GALNT13: variants seen among roughly 807,000 people sequenced by gnomAD.
The protein encoded by GALNT13 is polypeptide N-acetylgalactosaminyltransferase 13.
GALNT13 carries 28 observed loss-of-function variants against 64.2 expected under a neutral mutation model. The observed-to-expected ratio is 0.44, with a 90% CI of 0.32 to 0.60. The LOEUF (loss-of-function observed/expected upper bound fraction) is 0.60, where lower values mean the gene tolerates loss of function less well. Among genes scored for constraint, GALNT13 ranks in the 20% least tolerant of loss-of-function variants. The probability of loss-of-function intolerance (pLI) is 0.05; values close to 1 mark genes in which losing one functional copy is unlikely to be tolerated. For synonymous variants in GALNT13, 214 were observed against 224.6 expected, an observed-to-expected ratio of 0.95 and a Z score of 0.42; for missense variants, 577 against 669.8, an observed-to-expected ratio of 0.86 and a Z score of 1.53.
At chr2:153,874,183 A>C (rs1260096103) in intron 1 of GALNT13, among the ~76,000 whole-genome samples, 5 of 144,490 alleles carry the variant, frequency 3.5e-5, no homozygotes, top group African/African-American at 7.8e-5. Context: ...TTGATTTGGG[A>C]ATTGGATAGG....
chr2:153,909,928 A>G (rs964056216), intron 2 of GALNT13, among the ~76,000 whole-genome samples: 1 of 152,094 alleles, frequency 6.6e-6, no homozygotes, highest in African/African-American at 2.4e-5. Flanking sequence ...TGGTATCAGG[A>G]TGATGCTGGC....
the GALNT13 span, among the ~76,000 whole-genome samples, chr2:153,068,640 T>C: frequency 6.6e-6 from 1 of 152,152 alleles, no homozygotes; most frequent in Non-Finnish European, 1.5e-5. Flanking sequence ...TTATATATAT[T>C]TTTTATGGTA....
At chr2:153,983,092 A>T (rs1296348725) in intron 3 of GALNT13, among the ~76,000 whole-genome samples, 1 of 151,950 alleles carries the variant, frequency 6.6e-6, no homozygotes, top group Non-Finnish European at 1.5e-5. Flanking sequence ...AAATAAGTCT[A>T]TTCTGTTTAT....
At chr2:153,780,468 C>T in the GALNT13 span, among the ~76,000 whole-genome samples, 1 of 151,796 alleles carries the variant, frequency 6.6e-6, no homozygotes, top group East Asian at 1.9e-4. Flanking sequence ...CAACTTCAAA[C>T]CCTTGGTTCT....
In GALNT13 at chr2:154,450,679, T is replaced by C. The variant is rs189802966; in HGVS notation, c.*128T>C. ...CTTTTAGTATTCTAAAACACAATTG[T>C]TTCTAATTCGTTTCTAGAAATGTTT... On this transcript the variant is annotated 3_prime_UTR_variant, in exon 13 of 13. Transcript: ENST00000392825. 118 of 833,846 alleles carry C rather than the reference T, an allele frequency of 1.4e-4. No homozygotes were observed. In the African/African-American group the frequency reaches 1.7e-3, roughly 12 times the overall value. The allele number at this position is 833,846 out of a possible 1,614,324, so 51.7% of individuals were successfully genotyped here.
At chr2:153,692,374 A>G in the GALNT13 span, among the ~76,000 whole-genome samples, 1 of 152,168 alleles carries the variant, frequency 6.6e-6, no homozygotes, top group East Asian at 1.9e-4. Context: ...AACAATAATG[A>G]ATCCCTGCAA....
At chr2:154,375,924 C>T (rs974929611) in intron 9 of GALNT13, among the ~76,000 whole-genome samples, 1 of 152,150 alleles carries the variant, frequency 6.6e-6, no homozygotes, top group Non-Finnish European at 1.5e-5. Flanking sequence ...CATAACCTGG[C>T]ATGTTCACTT....
chr2:154,285,685 C>T (rs1046012113), intron 8 of GALNT13, among the ~76,000 whole-genome samples: 1 of 151,968 alleles, frequency 6.6e-6, no homozygotes, highest in South Asian at 2.1e-4. Context: ...TTCAAAATTT[C>T]TTTGGGTATT....
intron 4 of GALNT13, among the ~76,000 whole-genome samples, chr2:154,167,129 T>C (rs72874007): frequency 0.057 from 8,688 of 152,072 alleles, 354 homozygotes; most frequent in South Asian, 0.11. Context: ...AGTATACTAA[T>C]AAAAATGAAA....
the GALNT13 span, among the ~76,000 whole-genome samples, chr2:153,660,553 T>C: frequency 6.7e-6 from 1 of 148,892 alleles, no homozygotes; most frequent in Non-Finnish European, 1.5e-5. Context: ...TATAATATTA[T>C]ATATTATAAT....
intron 2 of GALNT13, among the ~76,000 whole-genome samples, chr2:153,907,785 C>G (rs1368252432): frequency 6.6e-6 from 1 of 152,040 alleles, no homozygotes; most frequent in Non-Finnish European, 1.5e-5. Flanking sequence ...ATATGTGCCA[C>G]ATTTTCTTTA....
intron 4 of GALNT13, among the ~76,000 whole-genome samples, chr2:154,149,948 GA>G (rs1683879669): frequency 6.6e-6 from 1 of 152,152 alleles, no homozygotes; most frequent in Non-Finnish European, 1.5e-5. Flanking sequence ...TCCCTGGCCA[GA>G]ACGTCCAACA....
chr2:153,566,646 G>C, the GALNT13 span, among the ~76,000 whole-genome samples: 1 of 152,130 alleles, frequency 6.6e-6, no homozygotes, highest in African/African-American at 2.4e-5. Flanking sequence ...GAGCCACTGC[G>C]TCCGGCCTCT....
the GALNT13 span, among the ~76,000 whole-genome samples, chr2:153,840,046 T>C: frequency 6.6e-6 from 1 of 152,114 alleles, no homozygotes; most frequent in African/African-American, 2.4e-5. Flanking sequence ...CTTATTTTTC[T>C]TATTGCCAAT....
chr2:154,095,998 A>C (rs1981904), intron 3 of GALNT13, among the ~76,000 whole-genome samples: 1 of 151,710 alleles, frequency 6.6e-6, no homozygotes, highest in African/African-American at 2.4e-5. Flanking sequence ...AAGTAGCGAT[A>C]TGAAGTTTCT....
At chr2:154,356,777 C>G (rs1222533895) in intron 9 of GALNT13, among the ~76,000 whole-genome samples, 1 of 151,698 alleles carries the variant, frequency 6.6e-6, no homozygotes, top group East Asian at 1.9e-4. Flanking sequence ...TCTAACTGAG[C>G]CTTAAACTAT....
chr2:153,687,250 C>T, the GALNT13 span, among the ~76,000 whole-genome samples: 18 of 152,054 alleles, frequency 1.2e-4, no homozygotes, highest in East Asian at 2.7e-3. Context: ...TGATAGAATT[C>T]AGCTGTGAAT....
the GALNT13 span, among the ~76,000 whole-genome samples, chr2:153,851,526 A>T: frequency 2.0e-5 from 3 of 149,392 alleles, no homozygotes; most frequent in Non-Finnish European, 4.5e-5. Context: ...ACATAGTGAG[A>T]CCTTGTGTTT....
chr2:154,446,271 G>A (rs1701569374), intron 12 of GALNT13, among the ~76,000 whole-genome samples: 1 of 152,022 alleles, frequency 6.6e-6, no homozygotes, highest in Non-Finnish European at 1.5e-5. Flanking sequence ...GTATTACTAG[G>A]ATGAAGGCTG....
Sources: allele counts gnomAD v4.1 joint callset (sites outside exome capture counted in the v4.1 genomes callset), GRCh38; gene constraint gnomAD v4.1.1; transcripts MANE v1.5; gene names NCBI Gene and HGNC (gene_info 2026-07-23, HGNC 2026-07-21).